UNC13C: variants seen among roughly 807,000 people sequenced by gnomAD.
The protein encoded by UNC13C is protein unc-13 homolog C.
Under a neutral mutation model 245.4 loss-of-function variants are expected in UNC13C, and 174 were observed. The observed-to-expected ratio is 0.71, with a 90% CI of 0.63 to 0.80. UNC13C has a LOEUF of 0.80. Ranked by LOEUF, UNC13C falls within the 30% of genes least tolerant of loss-of-function variation. The probability of loss-of-function intolerance (pLI) is 0.00; values close to 1 mark genes in which losing one functional copy is unlikely to be tolerated. For synonymous variants in UNC13C, 992 were observed against 895.1 expected (o/e 1.11, Z -1.93); for missense variants, 2,829 against 2,602.9 (o/e 1.09, Z -1.89).
intron 19 of UNC13C, among the ~76,000 whole-genome samples, chr15:54,494,255 T>A (rs1197530830): frequency 6.6e-6 from 1 of 152,108 alleles, no homozygotes; most frequent in African/African-American, 2.4e-5. Context: ...ATTTTAATTC[T>A]CTCTGTCACT....
intron 1 of UNC13C, among the ~76,000 whole-genome samples, chr15:53,999,491 G>T (rs1322904385): frequency 6.6e-6 from 1 of 151,546 alleles, no homozygotes; most frequent in African/African-American, 2.4e-5. Flanking sequence ...TTCTGATATT[G>T]GTAATTTGTA....
intron 32 of UNC13C, 50 bp from the exon 33 acceptor site, chr15:54,626,778 C>T: frequency 6.6e-7 from 1 of 1,515,414 alleles, no homozygotes; most frequent in Non-Finnish European, 9.0e-7. Context: ...ATAATGATGC[C>T]TAGTGGAAGT....
chr15:54,619,593 C>T (rs2911847), intron 30 of UNC13C, among the ~76,000 whole-genome samples: 6 of 152,000 alleles, frequency 3.9e-5, no homozygotes, highest in Non-Finnish European at 7.4e-5. Context: ...ACAGTGATTA[C>T]TGGACTACAG....
chr15:53,942,710 C>A, the UNC13C span, among the ~76,000 whole-genome samples: 1 of 152,190 alleles, frequency 6.6e-6, no homozygotes, highest in Non-Finnish European at 1.5e-5. Flanking sequence ...GTCACCCAGG[C>A]TGGAGTGCAG....
intron 10 of UNC13C, among the ~76,000 whole-genome samples, chr15:54,289,642 T>C (rs914193528): frequency 6.6e-6 from 1 of 152,112 alleles, no homozygotes; most frequent in Non-Finnish European, 1.5e-5. Flanking sequence ...CAAGAATGAC[T>C]GTAGAGGTTA....
upstream of UNC13C, among the ~76,000 whole-genome samples, chr15:53,975,204 A>T (rs1390638811): frequency 6.6e-6 from 1 of 152,204 alleles, no homozygotes; most frequent in Non-Finnish European, 1.5e-5. Flanking sequence ...TAAGAACAGA[A>T]CTTAACGTGT....
At chr15:54,393,266 A>C in intron 18 of UNC13C, 85 bp downstream of exon 18, 1 of 1,089,512 alleles carries the variant, frequency 9.2e-7, no homozygotes, top group Non-Finnish European at 1.2e-6. Flanking sequence ...TATACTGACG[A>C]CAATAATAAA....
chr15:54,204,828 G>A (rs2034656907), intron 4 of UNC13C, among the ~76,000 whole-genome samples: 2 of 151,876 alleles, frequency 1.3e-5, no homozygotes, highest in Admixed American at 6.6e-5. Context: ...TGGGAAAGTC[G>A]ACAGTATTGG....
At chr15:53,894,143 C>T in the UNC13C span, among the ~76,000 whole-genome samples, 5 of 152,234 alleles carry the variant, frequency 3.3e-5, no homozygotes, top group African/African-American at 4.8e-5. Context: ...CCCCACCCTG[C>T]TTTGGCTCGC....
intron 17 of UNC13C, among the ~76,000 whole-genome samples, chr15:54,349,527 G>C (rs2038933802): frequency 6.6e-6 from 1 of 152,148 alleles, no homozygotes; most frequent in African/African-American, 2.4e-5. Context: ...AATAAACATT[G>C]ATGAGAAAAG....
intron 24 of UNC13C, among the ~76,000 whole-genome samples, chr15:54,522,613 T>A (rs949516932): frequency 6.6e-6 from 1 of 152,218 alleles, no homozygotes; most frequent in African/African-American, 2.4e-5. Flanking sequence ...AGTTAATACC[T>A]ATGTGGGATT....
intron 17 of UNC13C, among the ~76,000 whole-genome samples, 197 bp downstream of exon 17, chr15:54,338,686 T>G (rs1021079439): frequency 1.6e-4 from 25 of 152,198 alleles, no homozygotes; most frequent in African/African-American, 5.8e-4. Context: ...TTAAAATAAC[T>G]TTATCTAGTA....
At chr15:54,346,855 C>A (rs544995390) in intron 17 of UNC13C, among the ~76,000 whole-genome samples, 97 of 152,230 alleles carry the variant, frequency 6.4e-4, no homozygotes, top group African/African-American at 2.2e-3. Context: ...CAGCAGATAC[C>A]TAATCAGCCC....
the UNC13C span, chr15:53,914,446 G>T: frequency 6.6e-6 from 1 of 152,266 alleles, no homozygotes; most frequent in African/African-American, 2.4e-5. Context: ...GCGTGCTGGC[G>T]TCCACAGAAA....
chr15:54,412,492 T>C (rs747292469), intron 18 of UNC13C, among the ~76,000 whole-genome samples: 12 of 152,218 alleles, frequency 7.9e-5, no homozygotes, highest in Admixed American at 1.3e-4. Flanking sequence ...TCCCTCAACA[T>C]GTAGGGATTA....
chr15:54,322,193 G>A, intron 14 of UNC13C, 98 bp downstream of exon 14: 1 of 1,236,520 alleles, frequency 8.1e-7, no homozygotes, highest in South Asian at 1.7e-5. Context: ...TCTTATTGCA[G>A]AAAGGACATT....
chr15:54,024,546 A>G (rs1354475087), intron 2 of UNC13C, among the ~76,000 whole-genome samples: 1 of 152,152 alleles, frequency 6.6e-6, no homozygotes, highest in Non-Finnish European at 1.5e-5. Context: ...ATAGGCTGTA[A>G]AACTGGACAG....
chr15:54,509,247 C>T (rs1000093466), intron 23 of UNC13C, among the ~76,000 whole-genome samples: 5 of 152,074 alleles, frequency 3.3e-5, no homozygotes, highest in African/African-American at 4.8e-5. Flanking sequence ...TTGAGTTCTC[C>T]GGGTTCAGAA....
At chr15:54,031,737 T>C (rs1238249812) in intron 2 of UNC13C, among the ~76,000 whole-genome samples, 1 of 152,198 alleles carries the variant, frequency 6.6e-6, no homozygotes, top group South Asian at 2.1e-4. Flanking sequence ...ATTGATGCCT[T>C]TTATAGATAC....
Sources: gnomAD v4.1 joint callset for allele counts (sites outside exome capture counted in the v4.1 genomes callset) on GRCh38, gnomAD v4.1.1 for gene constraint, MANE v1.5 for transcripts, NCBI Gene and HGNC (gene_info 2026-07-23, HGNC 2026-07-21) for gene names.